The following MEIG1 variants were observed in gnomAD, a reference collection of about 807,000 sequenced individuals.
MEIG1 encodes meiosis/spermiogenesis associated 1.
In MEIG1, 12 loss-of-function variants were observed where a neutral mutation model predicts 11.3. The ratio of observed to expected loss-of-function variants is 1.07; its 90% CI spans 0.68 to 1.73. The LOEUF (loss-of-function observed/expected upper bound fraction) is 1.73, where lower values mean the gene tolerates loss of function less well. MEIG1 is among the 40% of genes most tolerant of loss of function. The probability of loss-of-function intolerance (pLI) is 0.00; values close to 1 mark genes in which losing one functional copy is unlikely to be tolerated. For synonymous variants in MEIG1, 41 were observed against 33.2 expected (o/e 1.24, Z -0.81); for missense variants, 119 against 104.9 (o/e 1.13, Z -0.59).
chr10:14,973,289 CCA>C (rs1260002435), downstream of MEIG1, among the ~76,000 whole-genome samples: 11 of 152,268 alleles, frequency 7.2e-5, no homozygotes, highest in Non-Finnish European at 1.5e-4. Context: ...CCACCTATAC[CCA>C]TTCCTGGCAT....
At chr10:14,980,401 C>T (rs1294393491) in intron 1 of MEIG1, among the ~76,000 whole-genome samples, 1 of 152,090 alleles carries the variant, frequency 6.6e-6, no homozygotes, top group Non-Finnish European at 1.5e-5. Context: ...AGGGATGTTA[C>T]TCCTAATGTC....
intron 1 of MEIG1, among the ~76,000 whole-genome samples, chr10:14,983,905 T>G (rs961323145): frequency 6.6e-6 from 1 of 152,018 alleles, no homozygotes; most frequent in African/African-American, 2.4e-5. Context: ...TTACTTTCAA[T>G]ATCGCATGGG....
At chr10:14,982,309 G>C (rs184118321) in intron 1 of MEIG1, among the ~76,000 whole-genome samples, 68 of 152,224 alleles carry the variant, frequency 4.5e-4, no homozygotes, top group African/African-American at 1.6e-3. Context: ...GGTCCAACTG[G>C]TGGTCGGTTC....
At chr10:14,960,366 T>G (rs1006901417) in intron 1 of MEIG1, among the ~76,000 whole-genome samples, 1 of 152,206 alleles carries the variant, frequency 6.6e-6, no homozygotes, top group Non-Finnish European at 1.5e-5. Flanking sequence ...CATCAGAAGC[T>G]TCTGTTCCAA....
chr10:14,954,907 A>G (rs1374503612), upstream of MEIG1, among the ~76,000 whole-genome samples: 1 of 152,198 alleles, frequency 6.6e-6, no homozygotes, highest in African/African-American at 2.4e-5. Flanking sequence ...ATAATTAAAC[A>G]CAAACAACCC....
Position 14,986,311 on chromosome 10 carries a change from G to T in MEIG1, n.67-485G>T, listed in dbSNP as rs1414711245. ...TCACACTTCAGCCTGGGCAACAAGAGCGAAACTCCATCTCAAAACAAAAAA... is the reference window on the plus strand; with the variant it reads ...TCACACTTCAGCCTGGGCAACAAGATCGAAACTCCATCTCAAAACAAAAAA... On this transcript the variant is annotated intron_variant and non_coding_transcript_variant, in intron 1 of 2. Coordinates refer to the MEIG1 transcript ENST00000467536. 2.0e-5 allele frequency among the ~76,000 whole-genome samples: 3 copies of T among 152,162 alleles called. No homozygotes were observed. The East Asian group carries it at 5.8e-4, about 29-fold the overall frequency.
At chr10:14,971,642 G>C (rs1209253226) in intron 2 of MEIG1, among the ~76,000 whole-genome samples, 1 of 152,184 alleles carries the variant, frequency 6.6e-6, no homozygotes, top group Non-Finnish European at 1.5e-5. Context: ...TATTCACTGT[G>C]TATTCATCAA....
chr10:14,979,478 G>C (rs1331885809), intron 1 of MEIG1, among the ~76,000 whole-genome samples: 3 of 151,760 alleles, frequency 2.0e-5, no homozygotes, highest in Non-Finnish European at 4.4e-5. Flanking sequence ...TACACCTTCT[G>C]ATATTATTCG....
At chr10:14,969,027 G>A (rs958711278) in intron 2 of MEIG1, among the ~76,000 whole-genome samples, 5 of 152,204 alleles carry the variant, frequency 3.3e-5, no homozygotes, top group South Asian at 2.1e-4. Flanking sequence ...GTAGTGAGCC[G>A]AGATCACGCC....
chr10:14,954,248 C>T, the MEIG1 span: 6 of 631,328 alleles, frequency 9.5e-6, no homozygotes, highest in Non-Finnish European at 1.7e-5. Flanking sequence ...GCGATGGGCC[C>T]TGAGCCCTGC....
At chr10:14,980,945 A>G (rs1341652957) in intron 1 of MEIG1, among the ~76,000 whole-genome samples, 1 of 150,102 alleles carries the variant, frequency 6.7e-6, no homozygotes, top group African/African-American at 2.4e-5. Flanking sequence ...TTGGATGGAA[A>G]GTCAGTGTAG....
At chr10:14,982,643 C>G (rs1843276612) in intron 1 of MEIG1, among the ~76,000 whole-genome samples, 1 of 152,162 alleles carries the variant, frequency 6.6e-6, no homozygotes, top group Non-Finnish European at 1.5e-5. Flanking sequence ...TACCGCTGCT[C>G]TCTCAGGGGC....
chr10:14,977,924 A>T (rs1263871370), intron 1 of MEIG1, among the ~76,000 whole-genome samples: 2 of 151,926 alleles, frequency 1.3e-5, no homozygotes, highest in African/African-American at 2.4e-5. Flanking sequence ...TGCTGCTAAT[A>T]TCACAGAGAG....
At chr10:14,975,378 G>A (rs1843199103), downstream of MEIG1, among the ~76,000 whole-genome samples, 1 of 152,120 alleles carries the variant, frequency 6.6e-6, no homozygotes, top group African/African-American at 2.4e-5. Flanking sequence ...TATCCATGGA[G>A]AGGAGAGGCT....
chr10:14,977,524 CT>C (rs1389093610), downstream of MEIG1, among the ~76,000 whole-genome samples: 1 of 151,832 alleles, frequency 6.6e-6, no homozygotes, highest in Non-Finnish European at 1.5e-5. Flanking sequence ...GGTGTACACC[CT>C]TCGATATTAT....
At chr10:14,961,803 A>T (rs113237167) in intron 1 of MEIG1, among the ~76,000 whole-genome samples, 4 of 95,466 alleles carry the variant, frequency 4.2e-5, no homozygotes, top group Admixed American at 1.1e-4. Flanking sequence ...TTATTTATTT[A>T]TTTTTTTAAC....
chr10:14,971,900 TGAC>T lies in MEIG1; in HGVS notation c.139-612_139-610del, dbSNP rs1589212021. Among the ~76,000 whole-genome samples, 4 of 152,270 alleles carry T rather than the reference TGAC, an allele frequency of 2.6e-5. No homozygotes were observed. The East Asian group carries it at 7.7e-4, about 29-fold the overall frequency. On this transcript the variant is annotated intron_variant, in intron 2 of 2. Coordinates refer to ENST00000407572, the MANE Select transcript of MEIG1 (RefSeq NM_001080836.3). ...GGGAGGCCGAGCTGGGAGGATCACT[TGAC>T]TACAGCAGTTCCAGGACAGCTTGGG...
chr10:14,985,201 G>A (rs747155583), intron 1 of MEIG1, among the ~76,000 whole-genome samples: 12 of 151,958 alleles, frequency 7.9e-5, no homozygotes, highest in Non-Finnish European at 1.5e-4. Flanking sequence ...CACTGGGGCC[G>A]TACATCCTGG....
chr10:14,972,749 T>A lies in MEIG1; in HGVS notation c.*108T>A. 9.0e-7 allele frequency: 1 copy of A among 1,113,886 alleles called. No individual in the cohort carries two copies. Among genetic ancestry groups the A allele is most frequent in the Non-Finnish European group, 1.2e-6 (1 of 802,950 alleles). 69.0% of individuals were successfully genotyped at this position (1,113,886 alleles called of 1,614,324 possible). On this transcript the variant is annotated 3_prime_UTR_variant, in exon 3 of 3. Coordinates refer to ENST00000407572, the MANE Select transcript of MEIG1 (RefSeq NM_001080836.3). ...ATAATTCAAGATGCAGTCTGCAGTTTAATGTTTTGTGAAACACAAAAGCCA... is the reference window on the plus strand; with the variant it reads ...ATAATTCAAGATGCAGTCTGCAGTTAAATGTTTTGTGAAACACAAAAGCCA...
Sources: gnomAD v4.1 joint callset for allele counts (sites outside exome capture counted in the v4.1 genomes callset) on GRCh38, gnomAD v4.1.1 for gene constraint, MANE v1.5 for transcripts, NCBI Gene and HGNC (gene_info 2026-07-23, HGNC 2026-07-21) for gene names.